The following PCDHGB5 variants were observed in gnomAD, a reference collection of about 807,000 sequenced individuals.
PCDHGB5 encodes the protein protocadherin gamma-B5.
PCDHGB5 carries 48 observed loss-of-function variants against 62.9 expected under a neutral mutation model. The observed-to-expected ratio is 0.76, with a 90% CI of 0.61 to 0.97. The LOEUF (loss-of-function observed/expected upper bound fraction) is 0.97. PCDHGB5 is among the 50% of genes least tolerant of loss of function. The pLI is 0.00. For synonymous variants in PCDHGB5, 474 were observed against 511.2 expected (o/e 0.93, Z 0.98); for missense variants, 1,118 against 1,198.6 (o/e 0.93, Z 0.99).
rs774071540 is a variant in PCDHGB5, at chr5:141,511,042, G to A, written c.2641G>A (p.Asp881Asn). 8 of 1,614,064 alleles carry A rather than the reference G, an allele frequency of 5.0e-6. No homozygotes were observed. Among genetic ancestry groups the A allele is most frequent in the Non-Finnish European group, 6.8e-6 (8 of 1,180,016 alleles). Residue 881 changes from aspartate to asparagine, a missense_variant, in exon 4 of 4, where the codon GAC becomes AAC. Physicochemically the swap from Asp to Asn is conservative, Grantham distance 23. Coordinates refer to ENST00000617380, the MANE Select transcript of PCDHGB5 (RefSeq NM_018925.3). Reference sequence around the variant, plus strand: ...CCAGTTCACCCTGCAGCACGTGCCCGACTACCGCCAGAATGTCTACATCCC... The same window carrying A: ...CCAGTTCACCCTGCAGCACGTGCCCAACTACCGCCAGAATGTCTACATCCC... ...GPQFTLQHVPDYRQNVYIPGS... is the reference protein window; with the variant it reads ...GPQFTLQHVPNYRQNVYIPGS...
At chr5:141,422,002 G>A (rs754599902) in intron 1 of PCDHGB5, 41 of 1,609,306 alleles carry the variant, frequency 2.5e-5, no homozygotes, top group Non-Finnish European at 3.1e-5. Flanking sequence ...CATCAGCTCC[G>A]GAACTCGGGT....
Position 141,399,623 on chromosome 5 carries a change from C to A in PCDHGB5, c.1496C>A (p.Ser499Tyr). Residue 499 changes from serine to tyrosine, a missense_variant, in exon 1 of 4, where the codon TCT becomes TAT. Ser to Tyr is a moderately radical substitution (Grantham distance 144). This residue lies in a region of PCDHGB5 where 1,034 missense variants were observed against 1,029.1 expected (regional missense o/e 1.00). Coordinates refer to ENST00000617380, the MANE Select transcript of PCDHGB5 (RefSeq NM_018925.3). Reference protein sequence around the residue: ...ASDLEPLALASYVSMSAQSGV... With the variant: ...ASDLEPLALAYYVSMSAQSGV... Reference sequence around the variant, plus strand: ...GACCTAGAGCCTCTGGCACTGGCCTCTTACGTGTCCATGAGCGCGCAAAGT... The same window carrying A: ...GACCTAGAGCCTCTGGCACTGGCCTATTACGTGTCCATGAGCGCGCAAAGT... 6.2e-7 allele frequency: 1 copy of A among 1,613,920 alleles called. No individual in the cohort carries two copies. Among genetic ancestry groups the A allele is most frequent in the South Asian group, 1.1e-5 (1 of 91,084 alleles).
chr5:141,415,577 C>T (rs776744277), intron 1 of PCDHGB5: 3 of 1,613,744 alleles, frequency 1.9e-6, no homozygotes, highest in East Asian at 4.5e-5. Context: ...TTAGATGATT[C>T]GAAGTTTCCT....
chr5:141,489,334 C>T lies in PCDHGB5; in HGVS notation c.2398-5473C>T, dbSNP rs768635851. On this transcript the variant is annotated intron_variant, in intron 1 of 3. Transcript: ENST00000617380. This position sits in a 1 kb window ranked among gnomAD's most constrained non-coding sequence, Gnocchi z 4.5. ...CTGGGGCTGGGTGTCTGGGCAGCTTCGTTACTCAGTGGTGGAGGAGTCTGA... is the reference window on the plus strand; with the variant it reads ...CTGGGGCTGGGTGTCTGGGCAGCTTTGTTACTCAGTGGTGGAGGAGTCTGA... The T allele has an allele frequency of 3.7e-6, 6 of 1,606,732 alleles. No individual in the cohort carries two copies. The highest frequency in any genetic ancestry group is 1.1e-5 in the South Asian group (1 of 90,048).
At chr5:141,450,006 C>CTATTTTTTTTT (rs70988802) in intron 1 of PCDHGB5, among the ~76,000 whole-genome samples, 2 of 132,964 alleles carry the variant, frequency 1.5e-5, no homozygotes, top group African/African-American at 2.8e-5. Flanking sequence ...TGCCATGTCT[C>CTATTTTTTTTT]TTTTTTTTTT....
intron 1 of PCDHGB5, chr5:141,418,786 TGAA>T: frequency 1.2e-6 from 2 of 1,613,854 alleles, no homozygotes; most frequent in Non-Finnish European, 8.5e-7. Flanking sequence ...CTTTGGATTT[TGAA>T]GAAGTAGAAA....
intron 1 of PCDHGB5, among the ~76,000 whole-genome samples, chr5:141,435,314 G>C (rs1490871069): frequency 6.6e-6 from 1 of 152,006 alleles, no homozygotes; most frequent in African/African-American, 2.4e-5. Flanking sequence ...AATCATTCAT[G>C]AACTTCCAAA....
At chr5:141,452,082 T>C (rs924362905) in intron 1 of PCDHGB5, among the ~76,000 whole-genome samples, 6 of 152,358 alleles carry the variant, frequency 3.9e-5, no homozygotes, top group Admixed American at 6.5e-5. Flanking sequence ...GTTGGCATTA[T>C]ACAGTAAGAA....
chr5:141,410,778 G>T, intron 1 of PCDHGB5: 3 of 818,726 alleles, frequency 3.7e-6, no homozygotes, highest in Non-Finnish European at 3.4e-6. Flanking sequence ...TTTTCACTAT[G>T]TATTTGGTTC....
At chr5:141,478,177 A>G (rs769503109) in intron 1 of PCDHGB5, 1 of 1,613,988 alleles carries the variant, frequency 6.2e-7, no homozygotes, top group South Asian at 1.1e-5. Context: ...GGGAGCAGAA[A>G]AAAAATCTCA....
At chr5:141,422,587 C>G in intron 1 of PCDHGB5, 2 of 1,614,032 alleles carry the variant, frequency 1.2e-6, no homozygotes, top group Non-Finnish European at 1.7e-6. Flanking sequence ...TCCCGTTTTT[C>G]CTCACTCCTC....
chr5:141,413,090 C>T, intron 1 of PCDHGB5: 1 of 1,391,312 alleles, frequency 7.2e-7, no homozygotes, highest in South Asian at 1.4e-5. Flanking sequence ...ACAGAGACAC[C>T]CTGAAGCCAC....
At position 141,477,418 on chromosome 5, in the gene PCDHGB5, C is replaced by G. The variant is rs759728291; in HGVS notation, c.2398-17389C>G. ...GCATCACCGCCCGAGACGCCGGAAC[C>G]CCTTCCCTCTCAGCCCTTACAATAG... On this transcript the variant is annotated intron_variant, in intron 1 of 3. Transcript: ENST00000617380. This position sits in a 1 kb window ranked among gnomAD's most constrained non-coding sequence, Gnocchi z 4.9. 2 of 1,614,166 alleles carry G rather than the reference C, an allele frequency of 1.2e-6. No homozygotes were observed. Among genetic ancestry groups the G allele is most frequent in the Non-Finnish European group, 1.7e-6 (2 of 1,180,030 alleles).
At chr5:141,488,062 T>C (rs1488970442) in intron 1 of PCDHGB5, among the ~76,000 whole-genome samples, 1 of 152,152 alleles carries the variant, frequency 6.6e-6, no homozygotes, top group Non-Finnish European at 1.5e-5. Flanking sequence ...AAATAAAATC[T>C]TTGTCTCCCA....
rs751345684 is a variant in PCDHGB5 at position 141,398,995 on chromosome 5, C to G, written c.868C>G (p.Leu290Val). ...SFYRTGQIFS[L>V]NSKSGEITTQ... ...CTACAGAACCGGGCAAATCTTTAGT[C>G]TGAATTCAAAGAGCGGAGAAATTAC... Residue 290 changes from leucine (L) to valine (V), a missense_variant, in exon 1 of 4, where the codon CTG (leucine) becomes GTG (valine). Leu to Val is a conservative substitution (Grantham distance 32, BLOSUM62 1). Around this residue, in one of 2 missense-constraint regions of PCDHGB5, gnomAD observed 1,034 missense variants for 1,029.1 expected, o/e 1.00. Transcript: ENST00000617380. 2.5e-5 allele frequency: 41 copies of G among 1,613,782 alleles called. No homozygotes were observed. The East Asian group carries it at 8.7e-4, about 34-fold the overall frequency.
chr5:141,499,466 G>C (rs1337970911), intron 2 of PCDHGB5, among the ~76,000 whole-genome samples: 1 of 152,034 alleles, frequency 6.6e-6, no homozygotes, highest in African/African-American at 2.4e-5. Flanking sequence ...TTACAATCTA[G>C]GGAGAACCAC....
rs1008664105 is a variant in PCDHGB5, at chr5:141,432,402, T to C, written c.2397+31878T>C. 6.2e-7 allele frequency: 1 copy of C among 1,614,194 alleles called. No homozygotes were observed. The highest frequency in any genetic ancestry group is 1.1e-5 in the South Asian group (1 of 91,082). On this transcript the variant is annotated intron_variant, in intron 1 of 3. Transcript: ENST00000617380. The surrounding 1 kb of genome is among the most constrained non-coding windows in gnomAD (Gnocchi z 6.0). ...CCGCCCCTCAGCAGCAACGTGTCGT[T>C]GAGCCTGTTCGTGCTGGACCAGAAC...
chr5:141,412,534 A>G (rs1324712420), intron 1 of PCDHGB5: 1 of 152,192 alleles, frequency 6.6e-6, no homozygotes, highest in African/African-American at 2.4e-5. Context: ...ACAATTATAA[A>G]GCTTCAGAGT....
Position 141,485,486 on chromosome 5 carries a change from C to A in PCDHGB5, c.2398-9321C>A. On this transcript the variant is annotated intron_variant, in intron 1 of 3. Transcript: ENST00000617380. This position sits in a 1 kb window ranked among gnomAD's most constrained non-coding sequence, Gnocchi z 5.7. Reference sequence around the variant, plus strand: ...TGGGCTCAGTGCCAGCTGCATCGTGCCCCTGGAGTTTGTCACCGAAGGTCC... The same window carrying A: ...TGGGCTCAGTGCCAGCTGCATCGTGACCCTGGAGTTTGTCACCGAAGGTCC... 6.2e-7 allele frequency: 1 copy of A among 1,614,104 alleles called. No individual in the cohort carries two copies.
Sources: gnomAD v4.1 joint callset for allele counts (sites outside exome capture counted in the v4.1 genomes callset) on GRCh38, gnomAD v4.1.1 for gene constraint, gnomAD v4.1.1 regional missense constraint, Gnocchi (gnomAD v3.1) non-coding constraint, MANE v1.5 for transcripts, NCBI Gene and HGNC (gene_info 2026-07-23, HGNC 2026-07-21) for gene names.